Variants in HDGFL2 observed in about 807,000 individuals in gnomAD.
HDGFL2 encodes the protein HDGF like 2, also known as hepatoma-derived growth factor-related protein 2.
A neutral mutation model predicts 77.1 loss-of-function variants in HDGFL2; 36 were observed. The ratio of observed to expected loss-of-function variants is 0.47; its 90% CI spans 0.36 to 0.62. HDGFL2 has a LOEUF of 0.62. HDGFL2 is among the 20% of genes least tolerant of loss of function. The pLI is 0.00. For synonymous variants in HDGFL2, 463 were observed against 413.1 expected (o/e 1.12, Z -1.46); for missense variants, 976 against 973.4 (o/e 1.00, Z -0.04).
At chr19:4,482,190 G>T (rs912464237) in intron 3 of HDGFL2, among the ~76,000 whole-genome samples, 1 of 145,778 alleles carries the variant, frequency 6.9e-6, no homozygotes, top group Non-Finnish European at 1.5e-5. Context: ...GGCTTACTGC[G>T]CCCTGGCCTT....
chr19:4,491,904 C>CCA, intron 6 of HDGFL2, 69 bp downstream of exon 6: 1 of 1,428,298 alleles, frequency 7.0e-7, no homozygotes, highest in South Asian at 1.2e-5. Flanking sequence ...AGTGCTGTCC[C>CCA]CAGGGCAGGG....
At chr19:4,487,840 C>T (rs1453065872) in intron 3 of HDGFL2, among the ~76,000 whole-genome samples, 1 of 152,004 alleles carries the variant, frequency 6.6e-6, no homozygotes, top group Non-Finnish European at 1.5e-5. Flanking sequence ...CTGTCACTGC[C>T]TGAGCGGGCA....
In HDGFL2 at chr19:4,501,219, C is replaced by T; in HGVS notation, c.1818C>T (p.Ala606=). Residue 606 remains alanine (A), a synonymous_variant, in exon 15 of 16, where the codon GCC becomes GCT. Transcript: ENST00000616600. ...TCTCAGCCCCAGTGAATGGCGAGGC[C>T]ACATCACAGAAGGGGGAGAGCGCAG... ...TDLSAPVNGE[A]TSQKGESAED... The T allele has an allele frequency of 6.2e-7, 1 of 1,613,652 alleles. No individual in the cohort carries two copies. The highest frequency in any genetic ancestry group is 8.5e-7 in the Non-Finnish European group (1 of 1,179,976).
Position 4,499,699 on chromosome 19 carries a change from G to T in HDGFL2, c.1784G>T (p.Ser595Ile). The change falls in exon 14 of 16, where the codon AGC (serine) becomes ATC (isoleucine). Residue 595 changes from serine (S) to isoleucine (I), a missense_variant. By Grantham distance (142) the Ser-to-Ile change is moderately radical. Transcript: ENST00000616600. ...APQEKAEDKP[S>I]TDLSAPVNGE... ...CAGGAGAAGGCGGAGGACAAGCCCA[G>T]CACCGGTGAGGGGCGGGTGGGGTGG... The T allele has an allele frequency of 6.7e-7, 1 of 1,500,024 alleles. No homozygotes were observed. 92.9% of individuals were successfully genotyped at this position (1,500,024 alleles called of 1,614,324 possible). A position where few individuals can be genotyped will look rare whatever the true frequency, so the allele number is the denominator to read the frequency against.
rs1358456704 is a variant in HDGFL2 at position 4,488,596 on chromosome 19, CGTCCTCTGGGTCATA to C, written c.289-74_289-60del. 1.5e-4 allele frequency: 194 copies of C among 1,298,166 alleles called. 1 individual carries two copies. The highest frequency in any genetic ancestry group is 2.2e-5 in the Admixed American group (1 of 46,300). 80.4% of individuals were successfully genotyped at this position (1,298,166 alleles called of 1,614,324 possible). A position where few individuals can be genotyped will look rare whatever the true frequency, so the allele number is the denominator to read the frequency against. On this transcript the variant is annotated intron_variant, in intron 3 of 15. Coordinates refer to ENST00000616600, the MANE Select transcript of HDGFL2 (RefSeq NM_001001520.3). The stretch of plus-strand genomic sequence containing the variant: ...CATTCAGGATCCCGCATGTGGTTGC[CGTCCTCTGGGTCATA>C]GTCCTGATGGGGAAATCCACCCACG...
At chr19:4,500,045 G>A (rs1430951779) in intron 14 of HDGFL2, among the ~76,000 whole-genome samples, 1 of 6,210 alleles carries the variant, frequency 1.6e-4, no homozygotes, top group African/African-American at 5.7e-4. Flanking sequence ...GGGGCAAAGA[G>A]TGGGGGCATT....
chr19:4,497,939 G>C lies in HDGFL2; in HGVS notation c.1329-19G>C. 6.5e-7 allele frequency: 1 copy of C among 1,550,304 alleles called. No individual in the cohort carries two copies. ...AGTGCCGGTGACGGGGCCCGACTGA[G>C]GGGAGCACTTCTCCACAGGCCCGTG... On this transcript the variant is annotated intron_variant, in intron 10 of 15. Transcript: ENST00000616600.
intron 3 of HDGFL2, among the ~76,000 whole-genome samples, chr19:4,487,596 C>G (rs1376707197): frequency 1.3e-5 from 2 of 152,200 alleles, no homozygotes; most frequent in African/African-American, 4.8e-5. Context: ...TGTTTTCTTC[C>G]TGCCTGTCAC....
intron 6 of HDGFL2, among the ~76,000 whole-genome samples, chr19:4,492,225 G>A (rs1413742528): frequency 6.6e-6 from 1 of 151,828 alleles, no homozygotes; most frequent in East Asian, 1.9e-4. Context: ...CGACGTGCAT[G>A]TGTGTGTGTG....
chr19:4,491,468 A>T, intron 4 of HDGFL2, 98 bp from the exon 5 acceptor site: 1 of 991,066 alleles, frequency 1.0e-6, no homozygotes, highest in Non-Finnish European at 1.6e-6. Flanking sequence ...GAGAGGTTCC[A>T]GAGCTCAGCT....
intron 5 of HDGFL2, 35 bp downstream of exon 5, chr19:4,491,717 G>T (rs761136983): frequency 6.2e-7 from 1 of 1,612,326 alleles, no homozygotes; most frequent in Non-Finnish European, 8.5e-7. Context: ...GCAGGGAAGC[G>T]TGGTGGCTGC....
chr19:4,475,078 A>G lies in HDGFL2; in HGVS notation c.73-197A>G, dbSNP rs532120929. On this transcript the variant is annotated intron_variant, in intron 1 of 15. Coordinates refer to ENST00000616600, the MANE Select transcript of HDGFL2 (RefSeq NM_001001520.3). ...AGCTCCGTCCCTGGGGTAGGGGGAG[A>G]GCTCTCTGGGTGGGGCACAGCTTTG... 4.1e-5 allele frequency: 24 copies of G among 587,296 alleles called. No homozygotes were observed. The African/African-American group carries it at 4.5e-4, about 11-fold the overall frequency. 36.4% of individuals were successfully genotyped at this position (587,296 alleles called of 1,614,324 possible). A position where few individuals can be genotyped will look rare whatever the true frequency, so the allele number is the denominator to read the frequency against.
intron 14 of HDGFL2, among the ~76,000 whole-genome samples, chr19:4,499,985 A>T (rs1975814916): frequency 6.6e-6 from 1 of 152,122 alleles, no homozygotes. Context: ...ACACGCCTCC[A>T]CCGTCTCCCA....
intron 6 of HDGFL2, among the ~76,000 whole-genome samples, chr19:4,492,379 A>G (rs1448191067): frequency 6.6e-6 from 1 of 150,714 alleles, no homozygotes; most frequent in African/African-American, 2.4e-5. Flanking sequence ...CTGTGCCTGT[A>G]TGCCTGTGTG....
At chr19:4,480,367 G>T (rs1975182688) in intron 3 of HDGFL2, among the ~76,000 whole-genome samples, 1 of 152,124 alleles carries the variant, frequency 6.6e-6, no homozygotes, top group South Asian at 2.1e-4. Context: ...TTTTCCTTCT[G>T]GCTGGTACAA....
chr19:4,491,246 A>ACCCCCCCC (rs1568211718), intron 4 of HDGFL2, among the ~76,000 whole-genome samples: 14 of 27,248 alleles, frequency 5.1e-4, no homozygotes, highest in South Asian at 1.4e-3. Context: ...ACTCACTCCC[A>ACCCCCCCC]CCACCCACCC....
intron 3 of HDGFL2, among the ~76,000 whole-genome samples, chr19:4,478,353 C>T (rs1309631596): frequency 6.6e-6 from 1 of 151,816 alleles, no homozygotes; most frequent in Non-Finnish European, 1.5e-5. Flanking sequence ...TGGGCGCCCA[C>T]TACCATGCCT....
At chr19:4,499,237 T>G (rs1271918430) in intron 13 of HDGFL2, among the ~76,000 whole-genome samples, 2 of 152,022 alleles carry the variant, frequency 1.3e-5, no homozygotes, top group Non-Finnish European at 2.9e-5. Flanking sequence ...TCCCAGCTAC[T>G]CAGGAGGCTG....
At chr19:4,481,186 T>A (rs1458179838) in intron 3 of HDGFL2, among the ~76,000 whole-genome samples, 1 of 86,566 alleles carries the variant, frequency 1.2e-5, no homozygotes, top group East Asian at 3.7e-4. Flanking sequence ...CACGCCTGGC[T>A]AATTTTTTTT....
Sources: gnomAD v4.1 joint callset for allele counts (sites outside exome capture counted in the v4.1 genomes callset) on GRCh38, gnomAD v4.1.1 for gene constraint, MANE v1.5 for transcripts, NCBI Gene and HGNC (gene_info 2026-07-23, HGNC 2026-07-21) for gene names.